UBQLN1: variants seen among roughly 807,000 people sequenced by gnomAD.
The protein encoded by UBQLN1 is ubiquilin-1.
Under a neutral mutation model 65.4 loss-of-function variants are expected in UBQLN1, and 13 were observed. That is an observed-to-expected ratio of 0.20 (90% CI 0.13 to 0.32). The LOEUF is 0.32. Among genes scored for constraint, UBQLN1 ranks in the 10% least tolerant of loss-of-function variants. The probability of loss-of-function intolerance (pLI) is 1.00; values close to 1 mark genes in which losing one functional copy is unlikely to be tolerated. For missense variants in UBQLN1, 561 were observed against 724.0 expected (o/e 0.77, Z 2.58); for synonymous variants, 267 against 247.8 (o/e 1.08, Z -0.73).
Position 83,678,407 on chromosome 9 carries a change from C to T in UBQLN1, c.870+34G>A, listed in dbSNP as rs368742478. 32 of 1,581,900 alleles carry T rather than the reference C, an allele frequency of 2.0e-5. No individual in the cohort carries two copies. The African/African-American group carries it at 4.1e-4, about 20-fold the overall frequency. On this transcript the variant is annotated intron_variant, in intron 5 of 10. Transcript: ENST00000376395. ...CATATTTGTGTTAAAACAGAAGCTA[C>T]TCCTTGGCCTGAACCTTGGAGCCAG...
At chr9:83,670,936 GCAGT>G (rs1322799126) in intron 6 of UBQLN1, among the ~76,000 whole-genome samples, 1 of 152,122 alleles carries the variant, frequency 6.6e-6, no homozygotes, top group Non-Finnish European at 1.5e-5. Flanking sequence ...TTGTAGCAAC[GCAGT>G]CAGTGTTCAT....
At chr9:83,700,799 T>A (rs1276083812) in intron 1 of UBQLN1, among the ~76,000 whole-genome samples, 1 of 152,052 alleles carries the variant, frequency 6.6e-6, no homozygotes, top group African/African-American at 2.4e-5. Flanking sequence ...AAAGAAGGCA[T>A]CTGCAAAAAA....
chr9:83,665,742 A>G (rs1429832493), intron 8 of UBQLN1, among the ~76,000 whole-genome samples: 2 of 152,202 alleles, frequency 1.3e-5, no homozygotes, highest in Non-Finnish European at 2.9e-5. Context: ...TGCATAATAC[A>G]TGAGGCCCTA....
chr9:83,683,181 A>G lies in UBQLN1; in HGVS notation c.333-115T>C, dbSNP rs531738408. 2.4e-5 allele frequency: 14 copies of G among 578,502 alleles called. No individual in the cohort carries two copies. In the South Asian group the frequency reaches 3.1e-4, roughly 13 times the overall value. The allele number at this position is 578,502 out of a possible 1,614,324, so 35.8% of individuals were successfully genotyped here. Reference sequence around the variant, plus strand: ...TAATCCCAGCACTTTGGGAGGCCGAAGCTGGCTGATCACGAGGTCAAGAGA... The same window carrying G: ...TAATCCCAGCACTTTGGGAGGCCGAGGCTGGCTGATCACGAGGTCAAGAGA... On this transcript the variant is annotated intron_variant, in intron 2 of 10. Transcript: ENST00000376395.
In UBQLN1 at chr9:83,707,746, A is replaced by G; in HGVS notation, c.-67T>C. On this transcript the variant is annotated 5_prime_UTR_variant, in exon 1 of 11. Transcript: ENST00000376395. ...GGGAGCAGGCGAGCAAGGAGGAGCC[A>G]GCAGACACCAGAGCCGGCAGGCCTG... The G allele has an allele frequency of 6.7e-7, 1 of 1,486,642 alleles. No individual in the cohort carries two copies. The highest frequency in any genetic ancestry group is 2.6e-5 in the East Asian group (1 of 39,146). The allele number at this position is 1,486,642 out of a possible 1,614,324, so 92.1% of individuals were successfully genotyped here.
chr9:83,683,159 TC>T, intron 2 of UBQLN1, 93 bp from the exon 3 acceptor site: 1 of 797,980 alleles, frequency 1.3e-6, no homozygotes, highest in Non-Finnish European at 2.0e-6. Context: ...ACGCCTGTAA[TC>T]CCAGCACTTT....
At chr9:83,666,075 T>C (rs1831638873) in intron 8 of UBQLN1, among the ~76,000 whole-genome samples, 1 of 152,078 alleles carries the variant, frequency 6.6e-6, no homozygotes, top group South Asian at 2.1e-4. Flanking sequence ...AAGGAAATGG[T>C]TTATGGTATT....
At chr9:83,678,331 T>C in intron 5 of UBQLN1, 110 bp downstream of exon 5, 1 of 1,388,078 alleles carries the variant, frequency 7.2e-7, no homozygotes, top group Non-Finnish European at 9.6e-7. Context: ...ACTGAACTTT[T>C]TAAAAATTGA....
chr9:83,668,901 C>T (rs1050398295), intron 7 of UBQLN1: 2 of 304,950 alleles, frequency 6.6e-6, no homozygotes, highest in Non-Finnish European at 1.1e-5. Flanking sequence ...AGTGGGCATT[C>T]CAGAACTCTG....
chr9:83,707,216 G>A (rs1163956154), intron 1 of UBQLN1, among the ~76,000 whole-genome samples: 2 of 152,232 alleles, frequency 1.3e-5, no homozygotes, highest in Middle Eastern at 3.4e-3. Flanking sequence ...CGGAGGGCGG[G>A]GAACTGGGGG....
At position 83,665,054 on chromosome 9, in the gene UBQLN1, G is replaced by A. The variant is rs768288541; in HGVS notation, c.1424C>T (p.Thr475Met). 5.6e-6 allele frequency: 9 copies of A among 1,612,876 alleles called. No homozygotes were observed. The highest frequency in any genetic ancestry group is 1.3e-5 in the African/African-American group (1 of 74,816). Reference protein sequence around the residue: ...QIQQGLQTLATEAPGLIPGFT... With the variant: ...QIQQGLQTLAMEAPGLIPGFT... ...CCCTGGGATGAGGCCCGGGGCTTCC[G>A]TTGCTAATGTCTGTAAACCCTGCTG... Residue 475 changes from threonine (T) to methionine (M), a missense_variant, in exon 9 of 11, where the codon ACG becomes ATG. Thr to Met is a moderately conservative substitution (Grantham distance 81). Around this residue, in one of 8 missense-constraint regions of UBQLN1, gnomAD observed 102 missense variants for 150.7 expected, o/e 0.68. Coordinates refer to ENST00000376395, the MANE Select transcript of UBQLN1 (RefSeq NM_013438.5).
chr9:83,670,761 A>G (rs1278998766), intron 6 of UBQLN1, among the ~76,000 whole-genome samples: 4 of 152,156 alleles, frequency 2.6e-5, no homozygotes, highest in African/African-American at 9.7e-5. Context: ...AATCCTCTCA[A>G]ACCCTGCCAC....
At position 83,666,320 on chromosome 9, in the gene UBQLN1, C is replaced by G. The variant is rs769142107; in HGVS notation, c.1332+30G>C. 8.7e-6 allele frequency: 14 copies of G among 1,604,208 alleles called. No homozygotes were observed. The Middle Eastern group carries it at 5.0e-4, about 57-fold the overall frequency. The stretch of plus-strand genomic sequence containing the variant: ...CAAATTTTTTCAAGCAAATCATTAC[C>G]CAAGATAGCTAACATCTTGTCTTAC... On this transcript the variant is annotated intron_variant, in intron 8 of 10. Coordinates refer to ENST00000376395, the MANE Select transcript of UBQLN1 (RefSeq NM_013438.5).
intron 1 of UBQLN1, among the ~76,000 whole-genome samples, chr9:83,699,854 T>C (rs1245143398): frequency 6.6e-6 from 1 of 152,188 alleles, no homozygotes; most frequent in East Asian, 1.9e-4. Flanking sequence ...GCACAATAGA[T>C]TTCGACTACC....
chr9:83,668,788 T>G, intron 7 of UBQLN1: 1 of 292,208 alleles, frequency 3.4e-6, no homozygotes, highest in Non-Finnish European at 5.1e-6. Flanking sequence ...GCATGACTAT[T>G]ATAATCTGAG....
intron 6 of UBQLN1, among the ~76,000 whole-genome samples, chr9:83,677,346 T>A (rs193271581): frequency 1.6e-4 from 25 of 152,290 alleles, no homozygotes; most frequent in African/African-American, 5.8e-4. Context: ...GCGGATCACC[T>A]GAGGTCAGGA....
intron 3 of UBQLN1, among the ~76,000 whole-genome samples, chr9:83,682,264 G>A (rs1292929803): frequency 1.3e-5 from 2 of 151,282 alleles, no homozygotes; most frequent in East Asian, 1.9e-4. Flanking sequence ...CAGCCTGGGC[G>A]ACAGAGCAAG....
chr9:83,663,396 G>GAT (rs1036399210), intron 10 of UBQLN1, among the ~76,000 whole-genome samples: 2 of 151,658 alleles, frequency 1.3e-5, no homozygotes, highest in Non-Finnish European at 2.9e-5. Flanking sequence ...ATATTTACGA[G>GAT]ATATATATAT....
chr9:83,705,303 C>T (rs929840699), intron 1 of UBQLN1, among the ~76,000 whole-genome samples: 3 of 140,776 alleles, frequency 2.1e-5, no homozygotes, highest in African/African-American at 5.5e-5. Context: ...TGCAATGTCG[C>T]AATCTCGGCT....
Sources: gnomAD v4.1 joint callset for allele counts (sites outside exome capture counted in the v4.1 genomes callset) on GRCh38, gnomAD v4.1.1 for gene constraint, gnomAD v4.1.1 regional missense constraint, MANE v1.5 for transcripts, NCBI Gene and HGNC (gene_info 2026-07-23, HGNC 2026-07-21) for gene names.